MAN2C1: variants seen among roughly 807,000 people sequenced by gnomAD.
MAN2C1 encodes the protein mannosidase alpha class 2C member 1, also known as alpha-mannosidase 2C1.
MAN2C1 carries 111 observed loss-of-function variants against 126.9 expected under a neutral mutation model. The ratio of observed to expected loss-of-function variants is 0.87; its 90% CI spans 0.75 to 1.02. The LOEUF (loss-of-function observed/expected upper bound fraction) is 1.02. Among genes scored for constraint, MAN2C1 ranks in the 50% least tolerant of loss-of-function variants. The pLI is 0.00. For missense variants in MAN2C1, 1,363 were observed against 1,364.4 expected, an observed-to-expected ratio of 1.00 and a Z score of 0.02; for synonymous variants, 567 against 561.5, an observed-to-expected ratio of 1.01 and a Z score of -0.14.
In MAN2C1 at chr15:75,361,643, G is replaced by A. The variant is rs1431049479; in HGVS notation, c.1179C>T (p.Leu393=). 9 of 1,613,908 alleles carry A rather than the reference G, an allele frequency of 5.6e-6. No homozygotes were observed. Among genetic ancestry groups the A allele is most frequent in the Non-Finnish European group, 7.6e-6 (9 of 1,180,016 alleles). ...CCAAATTCCAGCTCAATTTCTGGGT[G>A]AGAAAGCGCCTGATGCCACAGCCGT... The part of the protein sequence containing the change: ...IMHGCGIRRF[L]TQKLSWNLVN... The change falls in exon 10 of 26, where the codon CTC becomes CTT. Residue 393 remains leucine (L), a synonymous_variant. Coordinates refer to ENST00000267978, the MANE Select transcript of MAN2C1 (RefSeq NM_006715.4). The surrounding 1 kb of genome is among the most constrained non-coding windows in gnomAD (Gnocchi z 5.0).
chr15:75,366,021 A>G (rs1020349652), intron 4 of MAN2C1: 3 of 398,818 alleles, frequency 7.5e-6, no homozygotes, highest in Middle Eastern at 3.7e-4. Context: ...TGGGAGGCAG[A>G]AGGTACAGTG....
Position 75,362,766 on chromosome 15 carries a change from T to C in MAN2C1, c.791-18A>G. The C allele has an allele frequency of 6.2e-7, 1 of 1,608,820 alleles. No homozygotes were observed. The highest frequency in any genetic ancestry group is 1.7e-5 in the Admixed American group (1 of 59,982). On this transcript the variant is annotated intron_variant, in intron 6 of 25. Coordinates refer to ENST00000267978, the MANE Select transcript of MAN2C1 (RefSeq NM_006715.4). The surrounding 1 kb of genome is among the most constrained non-coding windows in gnomAD (Gnocchi z 4.5). ...AAGCCAGGCTATACGGGGAGTGAGG[T>C]GGAGGACAGAGGGAGCAGCAAGGCT...
Position 75,362,748 on chromosome 15 carries a change from G to C in MAN2C1, c.791C>G (p.Ala264Gly). 2 of 1,613,710 alleles carry C rather than the reference G, an allele frequency of 1.2e-6. No individual in the cohort carries two copies. The highest frequency in any genetic ancestry group is 1.7e-6 in the Non-Finnish European group (2 of 1,179,730). Residue 264 changes from alanine to glycine, a missense_variant and splice_region_variant, in exon 7 of 26, where the codon GCC (alanine) becomes GGC (glycine). Physicochemically the swap from Ala to Gly is moderately conservative, Grantham distance 60. Transcript: ENST00000267978. The surrounding 1 kb of genome is among the most constrained non-coding windows in gnomAD (Gnocchi z 4.5). ...HATGHCHIDTAWLWPFKETVR... is the reference protein window; with the variant it reads ...HATGHCHIDTGWLWPFKETVR... ...AGTCTCTTTGAAGGGCCAAAGCCAGGCTATACGGGGAGTGAGGTGGAGGAC... is the reference window on the plus strand; with the variant it reads ...AGTCTCTTTGAAGGGCCAAAGCCAGCCTATACGGGGAGTGAGGTGGAGGAC...
At chr15:75,358,902 G>T in intron 18 of MAN2C1, 94 bp from the exon 19 acceptor site, 1 of 1,361,436 alleles carries the variant, frequency 7.3e-7, no homozygotes, top group South Asian at 1.2e-5. Flanking sequence ...AGACCCAGTG[G>T]ACAGGGGACT....
intron 15 of MAN2C1, 61 bp from the exon 16 acceptor site, chr15:75,359,836 C>T: frequency 6.2e-7 from 1 of 1,612,584 alleles, no homozygotes; most frequent in South Asian, 1.1e-5. Flanking sequence ...CATGGGTATC[C>T]CACAGGGGAC....
chr15:75,360,749 C>G, intron 12 of MAN2C1, 61 bp from the exon 13 acceptor site: 1 of 1,585,752 alleles, frequency 6.3e-7, no homozygotes, highest in African/African-American at 1.3e-5. Flanking sequence ...ACCCTTCTTC[C>G]ACACCAAAGC....
rs1259418451 is a variant in MAN2C1, at chr15:75,361,339, G to A, written c.1261C>T (p.Leu421=). The change falls in exon 11 of 26, where the codon CTG becomes TTG. Residue 421 remains leucine (L), a synonymous_variant. Transcript: ENST00000267978. The surrounding 1 kb of genome is among the most constrained non-coding windows in gnomAD (Gnocchi z 5.0). ...FWEGLDGSRV[L]VHFPPGDSYG... ...GAGTCGCCAGGTGGGAAGTGGACCAGTACACGGGAGCCATCCAGGCCCTCC... is the reference window on the plus strand; with the variant it reads ...GAGTCGCCAGGTGGGAAGTGGACCAATACACGGGAGCCATCCAGGCCCTCC... 3 of 1,567,530 alleles carry A rather than the reference G, an allele frequency of 1.9e-6. No homozygotes were observed. Among genetic ancestry groups the A allele is most frequent in the African/African-American group, 1.3e-5 (1 of 74,166 alleles).
Position 75,359,070 on chromosome 15 carries a change from C to T in MAN2C1, c.2130G>A (p.Val710=). The T allele has an allele frequency of 1.2e-6, 2 of 1,613,940 alleles. No homozygotes were observed. Among genetic ancestry groups the T allele is most frequent in the Non-Finnish European group, 1.7e-6 (2 of 1,179,976 alleles). The change falls in exon 18 of 26, where the codon GTG becomes GTA. Residue 710 remains valine (V), a synonymous_variant. Transcript: ENST00000267978. ...PTGRLTSLVL[V]ASGREAIAEG... is the part of the protein sequence containing the mutation. ...TGAGGATTTGGCACCTGCCAGAGGC[C>T]ACCAGGACCAAGGACGTCAGGCGAC...
At chr15:75,363,865 G>T in intron 6 of MAN2C1, 134 bp downstream of exon 6, 1 of 976,510 alleles carries the variant, frequency 1.0e-6, no homozygotes, top group Non-Finnish European at 1.5e-6. Context: ...CCCCGGCCCC[G>T]TTTTACAGAC....
Position 75,362,438 on chromosome 15 carries a change from A to C in MAN2C1, c.913T>G (p.Trp305Gly). 1 of 1,612,828 alleles carries C rather than the reference A, an allele frequency of 6.2e-7. No homozygotes were observed. The highest frequency in any genetic ancestry group is 1.1e-5 in the South Asian group (1 of 90,906). The change falls in exon 8 of 26, where the codon TGG becomes GGG. Residue 305 changes from tryptophan to glycine, a missense_variant. This residue lies in a region of MAN2C1 where 628 missense variants were observed against 609.8 expected (regional missense o/e 1.03). Transcript: ENST00000267978. This position sits in a 1 kb window ranked among gnomAD's most constrained non-coding sequence, Gnocchi z 4.5. ...FACSQAQQLE[W>G]VKSRYPGLYS... Reference sequence around the variant, plus strand: ...AGGCCAGGGTAGCGGCTCTTCACCCATTCCAGCTGCTGCGCCTGTGGGCAG... The same window carrying C: ...AGGCCAGGGTAGCGGCTCTTCACCCCTTCCAGCTGCTGCGCCTGTGGGCAG...
At position 75,356,376 on chromosome 15, in the gene MAN2C1, G is replaced by A; in HGVS notation, c.2811C>T (p.Pro937=). Residue 937 remains proline (P), a synonymous_variant, in exon 24 of 26, where the codon CCC becomes CCT. Transcript: ENST00000267978. The surrounding 1 kb of genome is among the most constrained non-coding windows in gnomAD (Gnocchi z 5.8). The stretch of plus-strand genomic sequence containing the variant: ...TCCAGGAGGTGGCGGGCGCTGGGCT[G>A]GGGGCTGGCAGAGCCAACAGGGGGA... The part of the protein sequence containing the change: ...LNFPLLALPA[P]SPAPATSWSA... 6.2e-7 allele frequency: 1 copy of A among 1,611,706 alleles called. No homozygotes were observed. The highest frequency in any genetic ancestry group is 1.1e-5 in the South Asian group (1 of 90,610).
chr15:75,366,680 A>ATCTGGTTCCCAGC (rs2072582241), intron 3 of MAN2C1, 88 bp from the exon 4 acceptor site: 2 of 967,672 alleles, frequency 2.1e-6, no homozygotes, highest in South Asian at 3.4e-5. Context: ...AGGCCCCTCC[A>ATCTGGTTCCCAGC]TCTGGTTCCC....
At chr15:75,359,844 GAC>G in intron 15 of MAN2C1, 57 bp downstream of exon 15, 1 of 1,611,028 alleles carries the variant, frequency 6.2e-7, no homozygotes, top group East Asian at 2.2e-5. Context: ...TCCCACAGGG[GAC>G]ACTCTGGGCT....
intron 3 of MAN2C1, 72 bp from the exon 4 acceptor site, chr15:75,366,664 G>A: frequency 1.7e-6 from 2 of 1,154,464 alleles, no homozygotes; most frequent in Non-Finnish European, 2.5e-6. Flanking sequence ...TAAGCCATGG[G>A]GAGTCAGGCC....
At position 75,362,190 on chromosome 15, in the gene MAN2C1, G is replaced by A; in HGVS notation, c.1008+153C>T. On this transcript the variant is annotated intron_variant, in intron 8 of 25. Transcript: ENST00000267978. The surrounding 1 kb of genome is among the most constrained non-coding windows in gnomAD (Gnocchi z 4.5). The stretch of plus-strand genomic sequence containing the variant: ...GCTCTCCTCCCCCTTGAAGTCCCAG[G>A]CCTTGAGATCCCAGGGACTAATGAG... The A allele has an allele frequency of 1.4e-6, 1 of 720,808 alleles. No individual in the cohort carries two copies. The highest frequency in any genetic ancestry group is 2.4e-6 in the Non-Finnish European group (1 of 425,506). The allele number at this position is 720,808 out of a possible 1,614,324, so 44.7% of individuals were successfully genotyped here.
At chr15:75,367,460 A>G in intron 3 of MAN2C1, 51 bp downstream of exon 3, 1 of 1,599,940 alleles carries the variant, frequency 6.3e-7, no homozygotes, top group Non-Finnish European at 8.5e-7. Context: ...GGCTGTAGTC[A>G]TTTCAGGGCT....
chr15:75,357,095 T>A (rs1353934125), intron 21 of MAN2C1, 193 bp from the exon 22 acceptor site: 5 of 595,494 alleles, frequency 8.4e-6, no homozygotes, highest in Non-Finnish European at 1.2e-5. Context: ...GAAACGGGAA[T>A]AAATAATAGT....
intron 20 of MAN2C1, 48 bp downstream of exon 20, chr15:75,358,414 T>C (rs753722044): frequency 1.2e-6 from 2 of 1,612,868 alleles, no homozygotes; most frequent in Middle Eastern, 1.6e-4. Context: ...TGGCCCCTCC[T>C]TACCAAGCAC....
intron 6 of MAN2C1, 172 bp downstream of exon 6, chr15:75,363,827 C>T (rs576402496): frequency 1.5e-6 from 1 of 670,326 alleles, no homozygotes; most frequent in African/African-American, 1.8e-5. Flanking sequence ...AAAGTGAATC[C>T]AAAGCAAGCA....
Sources: gnomAD v4.1 joint callset for allele counts on GRCh38, gnomAD v4.1.1 for gene constraint, gnomAD v4.1.1 regional missense constraint, Gnocchi (gnomAD v3.1) non-coding constraint, MANE v1.5 for transcripts, NCBI Gene and HGNC (gene_info 2026-07-23, HGNC 2026-07-21) for gene names.